Variants in OXR1 observed in about 807,000 individuals in gnomAD.
The protein encoded by OXR1 is oxidation resistance protein 1.
Under a neutral mutation model 104.6 loss-of-function variants are expected in OXR1, and 41 were observed. That is an observed-to-expected ratio of 0.39 (90% CI 0.31 to 0.51). The LOEUF is 0.51. OXR1 is among the 20% of genes least tolerant of loss of function. The pLI is 0.77. For missense variants in OXR1, 955 were observed against 1,031.9 expected (o/e 0.93, Z 1.02); for synonymous variants, 348 against 348.4 (o/e 1.00, Z 0.01).
chr8:106,652,769 A>T (rs1009096405), intron 3 of OXR1, among the ~76,000 whole-genome samples: 2 of 151,904 alleles, frequency 1.3e-5, no homozygotes, highest in African/African-American at 4.8e-5. Context: ...AATTATAAAG[A>T]TTAGCATGGA....
At chr8:106,564,427 G>T (rs527280063) in intron 3 of OXR1, among the ~76,000 whole-genome samples, 2 of 150,820 alleles carry the variant, frequency 1.3e-5, no homozygotes, top group Non-Finnish European at 3.0e-5. Flanking sequence ...ACACACCCCC[G>T]CCCCACCACG....
intron 11 of OXR1, chr8:106,720,700 C>CA: frequency 1.0e-6 from 1 of 976,236 alleles, no homozygotes; most frequent in African/African-American, 1.7e-5. Flanking sequence ...GTTGTGTACT[C>CA]AGAGATACTA....
rs546783611 is a variant in OXR1, at chr8:106,533,493, A to G, written c.220+14354A>G. On this transcript the variant is annotated intron_variant, in intron 3 of 16. Transcript: ENST00000517566. ...GAAGCAGCACATTGGTTTGGTATCT[A>G]TTAGTTTTTGCACTTAGTGTAAATC... Among the ~76,000 whole-genome samples, 10 of 152,262 alleles carry G rather than the reference A, an allele frequency of 6.6e-5. No homozygotes were observed. The South Asian group carries it at 2.1e-3, about 32-fold the overall frequency.
At chr8:106,611,537 A>G (rs1820810731) in intron 3 of OXR1, among the ~76,000 whole-genome samples, 2 of 152,030 alleles carry the variant, frequency 1.3e-5, no homozygotes, top group South Asian at 4.1e-4. Context: ...TTATTTCCCT[A>G]AGGGTTAAAG....
chr8:106,546,964 T>G (rs1169252488), intron 3 of OXR1, among the ~76,000 whole-genome samples: 1 of 152,222 alleles, frequency 6.6e-6, no homozygotes, highest in Non-Finnish European at 1.5e-5. Flanking sequence ...CAATCTCGGC[T>G]CACTGCAACC....
rs1399757858 is a variant in OXR1 at position 106,352,242 on chromosome 8, C to T, written c.-138-7234C>T. Among the ~76,000 whole-genome samples the T allele has an allele frequency of 1.3e-5, 2 of 152,260 alleles. 1 individual carries two copies. The highest frequency in any genetic ancestry group is 4.2e-4 in the South Asian group (2 of 4,814). On this transcript the variant is annotated intron_variant, in intron 1 of 16. Transcript: ENST00000517566. ...AGAATCAACCAGGCTTAGTGATTAA[C>T]TGGATGGGTGGAACAATATACTTCT...
At chr8:106,628,154 C>CT (rs1266974230) in intron 3 of OXR1, among the ~76,000 whole-genome samples, 1 of 152,142 alleles carries the variant, frequency 6.6e-6, no homozygotes, top group African/African-American at 2.4e-5. Flanking sequence ...TTCAGGGTTT[C>CT]TAACCTATAT....
intron 1 of OXR1, among the ~76,000 whole-genome samples, chr8:106,325,367 A>C (rs1814426290): frequency 1.3e-5 from 2 of 152,190 alleles, no homozygotes; most frequent in African/African-American, 4.8e-5. Flanking sequence ...CCTTCGGAAG[A>C]CTTGCTAGTC....
intron 1 of OXR1, among the ~76,000 whole-genome samples, chr8:106,340,665 T>A (rs1448587229): frequency 6.6e-6 from 1 of 152,180 alleles, no homozygotes; most frequent in Non-Finnish European, 1.5e-5. Flanking sequence ...TTTGTGACAA[T>A]TGCGGTGAAA....
At chr8:106,726,558 A>G (rs1168232019) in intron 11 of OXR1, among the ~76,000 whole-genome samples, 1 of 152,216 alleles carries the variant, frequency 6.6e-6, no homozygotes, top group East Asian at 1.9e-4. Context: ...ACAGGAAGAT[A>G]TCAAATCTTA....
At chr8:106,626,230 G>A (rs892012559) in intron 3 of OXR1, among the ~76,000 whole-genome samples, 1 of 151,462 alleles carries the variant, frequency 6.6e-6, no homozygotes, top group East Asian at 1.9e-4. Flanking sequence ...TTTTTAAAAA[G>A]ATATTATATA....
At chr8:106,703,242 T>A in intron 8 of OXR1, 152 bp downstream of exon 8, 1 of 559,452 alleles carries the variant, frequency 1.8e-6, no homozygotes, top group Non-Finnish European at 3.1e-6. Context: ...GAGAAGATTA[T>A]TCTTAATTTG....
chr8:106,630,624 G>C (rs776141322), intron 3 of OXR1, among the ~76,000 whole-genome samples: 3 of 152,098 alleles, frequency 2.0e-5, no homozygotes, highest in Non-Finnish European at 2.9e-5. Context: ...AAGGGGAAGC[G>C]GGTTGTTTAC....
intron 2 of OXR1, among the ~76,000 whole-genome samples, chr8:106,496,538 T>C (rs1811421543): frequency 6.6e-6 from 1 of 152,154 alleles, no homozygotes; most frequent in African/African-American, 2.4e-5. Context: ...TCTCCAACAT[T>C]ACTAGTACTA....
At chr8:106,581,301 C>A (rs1308646982) in intron 3 of OXR1, 1 of 1,199,896 alleles carries the variant, frequency 8.3e-7, no homozygotes, top group Admixed American at 2.3e-5. Flanking sequence ...TTTTCATTTG[C>A]CTAAAAAATG....
In OXR1 at chr8:106,406,843, C is replaced by T. The variant is rs544088193; in HGVS notation, c.23+47207C>T. Among the ~76,000 whole-genome samples, 12 of 152,174 alleles carry T rather than the reference C, an allele frequency of 7.9e-5. No individual in the cohort carries two copies. In the East Asian group the frequency reaches 1.5e-3, roughly 20 times the overall value. The stretch of plus-strand genomic sequence containing the variant: ...AGTAAATCCTCATGGAAACTATGGG[C>T]TTTGGGTGATAATAGCACGTCCATA... On this transcript the variant is annotated intron_variant, in intron 2 of 16. Coordinates refer to ENST00000517566, the MANE Select transcript of OXR1 (RefSeq NM_001198533.2).
At chr8:106,332,445 A>G (rs559333982) in intron 1 of OXR1, among the ~76,000 whole-genome samples, 13 of 152,334 alleles carry the variant, frequency 8.5e-5, no homozygotes, top group African/African-American at 3.1e-4. Flanking sequence ...TGGAAACTGC[A>G]TACATTTGAT....
intron 3 of OXR1, among the ~76,000 whole-genome samples, chr8:106,560,246 G>A (rs1158547671): frequency 6.6e-6 from 1 of 152,104 alleles, no homozygotes; most frequent in Non-Finnish European, 1.5e-5. Context: ...GTTGTAAAAG[G>A]GCACTAACCT....
At chr8:106,490,846 T>C (rs915415630) in intron 2 of OXR1, among the ~76,000 whole-genome samples, 5 of 152,116 alleles carry the variant, frequency 3.3e-5, no homozygotes, top group Non-Finnish European at 5.9e-5. Flanking sequence ...ATTTGGCGTG[T>C]TTAGCGTGTG....
Sources: gnomAD v4.1 joint callset for allele counts (sites outside exome capture counted in the v4.1 genomes callset) on GRCh38, gnomAD v4.1.1 for gene constraint, MANE v1.5 for transcripts, NCBI Gene and HGNC (gene_info 2026-07-23, HGNC 2026-07-21) for gene names.